Variants in TOX3 observed in about 807,000 individuals in gnomAD.
TOX3 encodes TOX high mobility group box family member 3, also known as CAG trinucleotide repeat-containing gene F9 protein.
A neutral mutation model predicts 64.3 loss-of-function variants in TOX3; 22 were observed. The observed-to-expected ratio is 0.34, with a 90% CI of 0.24 to 0.49. The LOEUF (loss-of-function observed/expected upper bound fraction) is 0.49. Ranked by LOEUF, TOX3 falls within the 20% of genes least tolerant of loss-of-function variation. The pLI, the probability that TOX3 is intolerant of heterozygous loss-of-function variation, is 0.99. For synonymous variants in TOX3, 291 were observed against 273.6 expected (o/e 1.06, Z -0.63); for missense variants, 661 against 714.4 (o/e 0.93, Z 0.85).
At chr16:52,447,487 CAA>C (rs1960196675) in intron 4 of TOX3, among the ~76,000 whole-genome samples, 1 of 152,168 alleles carries the variant, frequency 6.6e-6, no homozygotes, top group Non-Finnish European at 1.5e-5. Context: ...TCTGAACACT[CAA>C]AGTGTTAAGA....
chr16:52,445,668 C>T (rs551241733), intron 5 of TOX3: 2 of 248,052 alleles, frequency 8.1e-6, no homozygotes, highest in African/African-American at 4.5e-5. Context: ...TTGTAGTGCC[C>T]TTTTTGAACA....
chr16:52,497,501 C>A (rs554375003), intron 1 of TOX3, among the ~76,000 whole-genome samples: 1 of 152,252 alleles, frequency 6.6e-6, no homozygotes, highest in South Asian at 2.1e-4. Flanking sequence ...TCTGCTACTG[C>A]CAGAAAGGCT....
intron 1 of TOX3, among the ~76,000 whole-genome samples, chr16:52,480,452 C>A (rs371354058): frequency 1.3e-5 from 2 of 152,168 alleles, no homozygotes; most frequent in African/African-American, 4.8e-5. Flanking sequence ...CCTCTAATGA[C>A]ATGACATATT....
chr16:52,529,003 C>G (rs1962787301), intron 1 of TOX3, among the ~76,000 whole-genome samples: 1 of 152,168 alleles, frequency 6.6e-6, no homozygotes. Context: ...TACATGTGGA[C>G]CAGACAACAA....
At chr16:52,530,422 C>G (rs1596863327) in intron 1 of TOX3, among the ~76,000 whole-genome samples, 2 of 151,924 alleles carry the variant, frequency 1.3e-5, no homozygotes, top group South Asian at 4.2e-4. Context: ...CTGCAACCTC[C>G]GCCTCCCAGG....
intron 6 of TOX3, among the ~76,000 whole-genome samples, chr16:52,440,826 T>A (rs1365185829): frequency 7.1e-6 from 1 of 140,768 alleles, no homozygotes; most frequent in Non-Finnish European, 1.5e-5. Flanking sequence ...AGCGGCGCGA[T>A]CTCAGCTCAC....
chr16:52,467,966 C>A (rs374799621), intron 2 of TOX3, among the ~76,000 whole-genome samples: 225 of 152,262 alleles, frequency 1.5e-3, no homozygotes, highest in African/African-American at 3.6e-3. Context: ...TTATTGAGCA[C>A]CTACTACTGC....
rs141813625 is a variant in TOX3 at position 52,502,042 on chromosome 16, C to T, written c.88-33468G>A. 4.3e-4 allele frequency among the ~76,000 whole-genome samples: 66 copies of T among 152,282 alleles called. No homozygotes were observed. The East Asian group carries it at 0.013, about 29-fold the overall frequency. The stretch of plus-strand genomic sequence containing the variant: ...ATGCCAATGAGGGAAAAAGTGGCCG[C>T]GATTTCCCAGGTGGCTTAGTAATAC... On this transcript the variant is annotated intron_variant, in intron 1 of 6. Transcript: ENST00000219746.
chr16:52,490,303 C>T (rs1406890135), intron 1 of TOX3, among the ~76,000 whole-genome samples: 1 of 152,108 alleles, frequency 6.6e-6, no homozygotes, highest in Non-Finnish European at 1.5e-5. Context: ...CTGAGGCCTC[C>T]CAGTCATGCT....
At chr16:52,454,126 G>A (rs537437229) in intron 3 of TOX3, among the ~76,000 whole-genome samples, 32 of 152,088 alleles carry the variant, frequency 2.1e-4, no homozygotes, top group African/African-American at 6.3e-4. Flanking sequence ...GGCATGTCCC[G>A]GCAGAGATAG....
At chr16:52,494,770 A>G (rs1175740637) in intron 1 of TOX3, among the ~76,000 whole-genome samples, 2 of 152,208 alleles carry the variant, frequency 1.3e-5, no homozygotes, top group East Asian at 1.9e-4. Flanking sequence ...GCACTCTTAC[A>G]TCAGATGCAA....
intron 1 of TOX3, among the ~76,000 whole-genome samples, chr16:52,543,326 T>C (rs181255496): frequency 3.9e-5 from 6 of 152,194 alleles, no homozygotes; most frequent in African/African-American, 1.2e-4. Context: ...AAATCTGAAA[T>C]CCGAAATGTT....
intron 1 of TOX3, among the ~76,000 whole-genome samples, chr16:52,522,259 T>C (rs980070111): frequency 6.6e-6 from 1 of 152,188 alleles, no homozygotes; most frequent in Admixed American, 6.5e-5. Flanking sequence ...CCTAATAAAG[T>C]GGAAGTGTGG....
In TOX3 at chr16:52,439,839, G is replaced by T; in HGVS notation, c.1117C>A (p.Gln373Lys). The T allele has an allele frequency of 6.2e-7, 1 of 1,613,898 alleles. No homozygotes were observed. The highest frequency in any genetic ancestry group is 1.1e-5 in the South Asian group (1 of 91,076). Residue 373 changes from glutamine (Q) to lysine (K), a missense_variant, in exon 7 of 7, where the codon CAG (glutamine) becomes AAG (lysine). Gln to Lys is a moderately conservative substitution (Grantham distance 53). This residue lies in a region of TOX3 where 299 missense variants were observed against 292.1 expected (regional missense o/e 1.02). Transcript: ENST00000219746. ...SQHGTVSASP[Q>K]TLQQSLPRSI... ...CTAGGGAGGGATTGCTGGAGAGTCTGAGGTGATGCTGACACTGTTCCATGT... is the reference window on the plus strand; with the variant it reads ...CTAGGGAGGGATTGCTGGAGAGTCTTAGGTGATGCTGACACTGTTCCATGT...
chr16:52,437,587 T>C lies in TOX3; in HGVS notation c.*1638A>G. 6.6e-6 allele frequency: 1 copy of C among 152,552 alleles called. No homozygotes were observed. The highest frequency in any genetic ancestry group is 1.9e-4 in the East Asian group (1 of 5,198). 9.4% of individuals were successfully genotyped at this position (152,552 alleles called of 1,614,324 possible). ...ATTAATCATGCAAGACAACTGGGGA[T>C]AGTGGTCACACTGCTCTCAAAGAGG... On this transcript the variant is annotated 3_prime_UTR_variant, in exon 7 of 7. Transcript: ENST00000219746.
At chr16:52,465,974 A>G (rs1436211675) in intron 2 of TOX3, among the ~76,000 whole-genome samples, 1 of 152,174 alleles carries the variant, frequency 6.6e-6, no homozygotes, top group Non-Finnish European at 1.5e-5. Flanking sequence ...TAACTGTGGA[A>G]CCCCTAGTTC....
chr16:52,492,594 T>TATATATATATATATATATATA (rs1596823340), intron 1 of TOX3, among the ~76,000 whole-genome samples: 9 of 138,124 alleles, frequency 6.5e-5, no homozygotes, highest in East Asian at 2.1e-4. Context: ...TATATATATA[T>TATATATATATATATATATATA]TCCTTAATTT....
intron 1 of TOX3, among the ~76,000 whole-genome samples, chr16:52,532,536 C>T (rs1015577603): frequency 1.3e-5 from 2 of 152,186 alleles, no homozygotes; most frequent in Admixed American, 6.5e-5. Flanking sequence ...CATAAGAGAC[C>T]CAGAATAGGA....
chr16:52,473,052 G>A (rs1409505345), intron 1 of TOX3, among the ~76,000 whole-genome samples: 1 of 152,154 alleles, frequency 6.6e-6, no homozygotes, highest in Non-Finnish European at 1.5e-5. Context: ...TTAAAAAGGA[G>A]CACCGCAGGA....
Sources: gnomAD v4.1 joint callset for allele counts (sites outside exome capture counted in the v4.1 genomes callset) on GRCh38, gnomAD v4.1.1 for gene constraint, gnomAD v4.1.1 regional missense constraint, MANE v1.5 for transcripts, NCBI Gene and HGNC (gene_info 2026-07-23, HGNC 2026-07-21) for gene names.